Variants in ADGRV1 observed in about 807,000 individuals in gnomAD.
The protein encoded by ADGRV1 is G-protein coupled receptor 98.
Under a neutral mutation model 596.2 loss-of-function variants are expected in ADGRV1, and 359 were observed. That is an observed-to-expected ratio of 0.60 (90% confidence interval 0.55 to 0.66). The LOEUF is 0.66. Ranked by LOEUF, ADGRV1 falls within the 30% of genes least tolerant of loss-of-function variation. ADGRV1 has a pLI of 0.00. For synonymous variants in ADGRV1, 2,681 were observed against 2,679.2 expected, an observed-to-expected ratio of 1.00 and a Z score of -0.02; for missense variants, 7,274 against 7,575.6, an observed-to-expected ratio of 0.96 and a Z score of 1.48.
At chr5:90,640,387 C>T (rs1165840656) in intron 11 of ADGRV1, among the ~76,000 whole-genome samples, 1 of 152,122 alleles carries the variant, frequency 6.6e-6, no homozygotes, top group Non-Finnish European at 1.5e-5. Context: ...TTTTCTAACT[C>T]AAAGAACAAC....
At chr5:90,787,982 T>C (rs1759654995) in intron 67 of ADGRV1, 89 bp from the exon 68 acceptor site, 22 of 857,524 alleles carry the variant, frequency 2.6e-5, no homozygotes, top group Non-Finnish European at 3.7e-5. Flanking sequence ...TATGTGTATA[T>C]ATTTTCTTAA....
At chr5:90,725,326 G>A in intron 47 of ADGRV1, 94 bp downstream of exon 47, 1 of 906,662 alleles carries the variant, frequency 1.1e-6, no homozygotes, top group Non-Finnish European at 1.6e-6. Context: ...TATGTTTTAT[G>A]TTAATGTGAA....
intron 83 of ADGRV1, among the ~76,000 whole-genome samples, chr5:90,935,915 C>T (rs1775645897): frequency 6.6e-6 from 1 of 152,168 alleles, no homozygotes; most frequent in Non-Finnish European, 1.5e-5. Context: ...GAGTTGAAGG[C>T]TGTAGTGTGT....
At chr5:91,012,014 C>G (rs1782763145) in intron 85 of ADGRV1, among the ~76,000 whole-genome samples, 5 of 151,838 alleles carry the variant, frequency 3.3e-5, no homozygotes, top group Admixed American at 2.6e-4. Flanking sequence ...TATAGTGTAT[C>G]TCACATTTAA....
chr5:90,993,347 C>A (rs1233062902), intron 85 of ADGRV1, among the ~76,000 whole-genome samples: 1 of 151,648 alleles, frequency 6.6e-6, no homozygotes, highest in Non-Finnish European at 1.5e-5. Context: ...TTAGTAGAGA[C>A]GGGGTTTCAC....
chr5:90,711,431 C>T, intron 41 of ADGRV1, 109 bp downstream of exon 41: 2 of 811,148 alleles, frequency 2.5e-6, no homozygotes, highest in Non-Finnish European at 1.8e-6. Context: ...TTCTTAAAAA[C>T]CATTGTATTT....
intron 83 of ADGRV1, among the ~76,000 whole-genome samples, chr5:90,923,336 TA>T (rs1303102785): frequency 6.6e-6 from 1 of 152,130 alleles, no homozygotes; most frequent in African/African-American, 2.4e-5. Context: ...CTCTAATTTT[TA>T]ATATGTACTA....
intron 59 of ADGRV1, among the ~76,000 whole-genome samples, chr5:90,772,709 C>T (rs1280027836): frequency 6.6e-6 from 1 of 152,036 alleles, no homozygotes; most frequent in Non-Finnish European, 1.5e-5. Flanking sequence ...AATAGAGGAA[C>T]CAACTGTATA....
rs556763895 is a variant in ADGRV1, at chr5:91,144,759, A to G, written c.18433-5271A>G. On this transcript the variant is annotated intron_variant, in intron 87 of 89. Transcript: ENST00000405460. ...GATGGATTATATAGGTCCAGCTTCT[A>G]AAACAGTTAAGCTGTTATATTGTAA... Among the ~76,000 whole-genome samples the G allele has an allele frequency of 2.0e-5, 3 of 152,402 alleles. No homozygotes were observed. In the South Asian group the frequency reaches 6.2e-4, roughly 32 times the overall value.
At chr5:90,575,341 C>A (rs1181005216) in intron 1 of ADGRV1, among the ~76,000 whole-genome samples, 1 of 152,054 alleles carries the variant, frequency 6.6e-6, no homozygotes, top group Non-Finnish European at 1.5e-5. Context: ...GCAACCTTTG[C>A]CTCCCGGATT....
rs532060622 is a variant in ADGRV1, at chr5:90,816,708, A to G, written c.16196+972A>G. 7.9e-3 allele frequency among the ~76,000 whole-genome samples: 1,208 copies of G among 151,970 alleles called. 14 individuals are homozygous for G. Among genetic ancestry groups the G allele is most frequent in the African/African-American group, 0.028 (1,154 of 41,364 alleles). On this transcript the variant is annotated intron_variant, in intron 75 of 89. Transcript: ENST00000405460. ...TAGTTTGCTGAGAATGATGGTTTCCAGCTTCATCCATGTCCCTACAAAGGA... is the reference window on the plus strand; with the variant it reads ...TAGTTTGCTGAGAATGATGGTTTCCGGCTTCATCCATGTCCCTACAAAGGA...
chr5:90,856,263 C>T (rs952377652), intron 82 of ADGRV1, among the ~76,000 whole-genome samples: 10 of 152,056 alleles, frequency 6.6e-5, no homozygotes, highest in Non-Finnish European at 1.5e-4. Context: ...ATAATACATA[C>T]AAAGAATTTT....
chr5:91,028,494 G>A (rs572455621), intron 85 of ADGRV1, among the ~76,000 whole-genome samples: 152 of 151,578 alleles, frequency 1.0e-3, no homozygotes, highest in Non-Finnish European at 1.7e-3. Flanking sequence ...TTTTTTGTCC[G>A]GCCCAATCCA....
intron 58 of ADGRV1, chr5:90,760,049 C>G (rs77855755): frequency 6.9e-6 from 1 of 145,796 alleles, no homozygotes; most frequent in Non-Finnish European, 1.4e-5. Context: ...CCGAGGCGGG[C>G]GGATCACGAG....
At position 90,651,994 on chromosome 5, in the gene ADGRV1, A is replaced by T. The variant is rs189786627; in HGVS notation, c.3416+264A>T. Among the ~76,000 whole-genome samples, 191 of 151,438 alleles carry T rather than the reference A, an allele frequency of 1.3e-3. 4 individuals are homozygous for T. The highest frequency in any genetic ancestry group is 6.9e-3 in the Middle Eastern group (2 of 290). On this transcript the variant is annotated intron_variant, in intron 18 of 89. Coordinates refer to ENST00000405460, the MANE Select transcript of ADGRV1 (RefSeq NM_032119.4). ...TCCTTTGTGAGACTGAGAAACTTGA[A>T]TTATTCAAGATCTTCAGGAACTCTT...
chr5:90,671,930 A>C (rs1423161247), intron 21 of ADGRV1, among the ~76,000 whole-genome samples: 1 of 152,184 alleles, frequency 6.6e-6, no homozygotes, highest in Non-Finnish European at 1.5e-5. Flanking sequence ...AAACACCAAC[A>C]AATATATTAA....
intron 42 of ADGRV1, among the ~76,000 whole-genome samples, chr5:90,715,911 G>T (rs1174538206): frequency 6.6e-6 from 1 of 152,146 alleles, no homozygotes; most frequent in Non-Finnish European, 1.5e-5. Flanking sequence ...AATAGTATTA[G>T]TTGTAATTAT....
intron 58 of ADGRV1, among the ~76,000 whole-genome samples, chr5:90,760,145 G>A (rs1487352132): frequency 2.0e-5 from 3 of 149,618 alleles, no homozygotes; most frequent in East Asian, 4.0e-4. Flanking sequence ...GTGTGGTGGC[G>A]CATGCTTGTA....
chr5:90,965,324 T>A, intron 83 of ADGRV1, 91 bp from the exon 84 acceptor site: 2 of 786,474 alleles, frequency 2.5e-6, no homozygotes, highest in South Asian at 3.0e-5. Flanking sequence ...AATCACTGAG[T>A]CATAGATTTA....
Sources: gnomAD v4.1 joint callset for allele counts (sites outside exome capture counted in the v4.1 genomes callset) on GRCh38, gnomAD v4.1.1 for gene constraint, MANE v1.5 for transcripts, NCBI Gene and HGNC (gene_info 2026-07-23, HGNC 2026-07-21) for gene names.